The following SH3BGRL3 variants were observed in gnomAD, a reference collection of about 807,000 sequenced individuals.
SH3BGRL3 encodes the protein SH3 domain binding glutamate rich protein like 3.
SH3BGRL3 carries 8 observed loss-of-function variants against 11.9 expected under a neutral mutation model. The observed-to-expected ratio is 0.67, with a 90% CI of 0.40 to 1.22. The LOEUF is 1.22. SH3BGRL3 is among the 50% of genes most tolerant of loss of function. SH3BGRL3 has a pLI of 0.01. For synonymous variants in SH3BGRL3, 55 were observed against 52.3 expected, an observed-to-expected ratio of 1.05 and a Z score of -0.22; for missense variants, 119 against 120.1, an observed-to-expected ratio of 0.99 and a Z score of 0.04.
chr1:26,280,592 A>G (rs1557675805), intron 1 of SH3BGRL3, among the ~76,000 whole-genome samples, 173 bp from the exon 2 acceptor site: 2 of 141,536 alleles, frequency 1.4e-5, no homozygotes, highest in African/African-American at 2.7e-5. Flanking sequence ...TTCATCCTGC[A>G]CCACCTCAAG....
At position 26,281,454 on chromosome 1, in the gene SH3BGRL3, C is replaced by G. The variant is rs1157077772; in HGVS notation, c.*331C>G. 5 of 272,428 alleles carry G rather than the reference C, an allele frequency of 1.8e-5. No homozygotes were observed. Among genetic ancestry groups the G allele is most frequent in the Non-Finnish European group, 3.6e-5 (5 of 140,652 alleles). 16.9% of individuals were successfully genotyped at this position (272,428 alleles called of 1,614,324 possible). A position where few individuals can be genotyped will look rare whatever the true frequency, so the allele number is the denominator to read the frequency against. ...TTGGTTCCATCAGCCAGAGCTCTGC[C>G]AAAGGCCCCGCAGTCCCTCTCCCAG... On this transcript the variant is annotated 3_prime_UTR_variant, in exon 3 of 3. Coordinates refer to ENST00000270792, the MANE Select transcript of SH3BGRL3 (RefSeq NM_031286.4).
rs766141252 is a variant in SH3BGRL3, at chr1:26,280,110, C to T, written c.-46C>T. The T allele has an allele frequency of 1.3e-6, 2 of 1,546,668 alleles. No individual in the cohort carries two copies. The highest frequency in any genetic ancestry group is 8.7e-7 in the Non-Finnish European group (1 of 1,145,450). ...CGTCGTCTCCCGGCAGTGCAGCTGCCGCTACCGCCGCCCTCTGCCCGCCGG... is the reference window on the plus strand; with the variant it reads ...CGTCGTCTCCCGGCAGTGCAGCTGCTGCTACCGCCGCCCTCTGCCCGCCGG... On this transcript the variant is annotated 5_prime_UTR_variant, in exon 1 of 3. Coordinates refer to ENST00000270792, the MANE Select transcript of SH3BGRL3 (RefSeq NM_031286.4).
At chr1:26,280,304 T>TG (rs2072955417) in intron 1 of SH3BGRL3, 101 bp downstream of exon 1, 14 of 1,337,934 alleles carry the variant, frequency 1.0e-5, no homozygotes, top group South Asian at 4.7e-5. Flanking sequence ...GGGGGCGGGG[T>TG]GGGGGGAGTG....
intron 1 of SH3BGRL3, among the ~76,000 whole-genome samples, 156 bp downstream of exon 1, chr1:26,280,359 G>T (rs2072956977): frequency 6.6e-6 from 1 of 152,030 alleles, no homozygotes; most frequent in African/African-American, 2.4e-5. Context: ...CGGTCCCGAG[G>T]CCCCATCCTG....
chr1:26,280,114 A>G lies in SH3BGRL3; in HGVS notation c.-42A>G, dbSNP rs543971367. ...GTCTCCCGGCAGTGCAGCTGCCGCT[A>G]CCGCCGCCCTCTGCCCGCCGGCCCG... On this transcript the variant is annotated 5_prime_UTR_variant, in exon 1 of 3. Transcript: ENST00000270792. 5.8e-6 allele frequency: 9 copies of G among 1,546,768 alleles called. No homozygotes were observed. The highest frequency in any genetic ancestry group is 4.4e-6 in the Non-Finnish European group (5 of 1,145,946).
chr1:26,280,696 C>T, intron 1 of SH3BGRL3, 69 bp from the exon 2 acceptor site: 1 of 1,575,782 alleles, frequency 6.3e-7, no homozygotes, highest in South Asian at 1.1e-5. Flanking sequence ...GCCTCTCTCA[C>T]CCTGCCCAGC....
At chr1:26,280,386 A>T (rs941611172) in intron 1 of SH3BGRL3, among the ~76,000 whole-genome samples, 183 bp downstream of exon 1, 1 of 151,942 alleles carries the variant, frequency 6.6e-6, no homozygotes, top group Non-Finnish European at 1.5e-5. Flanking sequence ...TTCATCGGGC[A>T]TCCTGGGTCC....
chr1:26,281,244 TCCC>T lies in SH3BGRL3; in HGVS notation c.*124_*126del. ...ATTCCTAACCTAACCTTAGAGTCCC[TCCC>T]CCAATGCAGGCCACTTCTCCTCCCT... On this transcript the variant is annotated 3_prime_UTR_variant, in exon 3 of 3. Transcript: ENST00000270792. The T allele has an allele frequency of 1.1e-6, 1 of 901,688 alleles. No individual in the cohort carries two copies. Among genetic ancestry groups the T allele is most frequent in the African/African-American group, 1.7e-5 (1 of 60,158 alleles). The allele number at this position is 901,688 out of a possible 1,614,324, so 55.9% of individuals were successfully genotyped here.
At chr1:26,280,962 G>A (rs1471363465) in intron 2 of SH3BGRL3, 30 bp downstream of exon 2, 9 of 1,604,512 alleles carry the variant, frequency 5.6e-6, no homozygotes, top group Non-Finnish European at 6.8e-6. Context: ...GGGGTGGGGG[G>A]AGTGTTGGAA....
rs1218010639 is a variant in SH3BGRL3 at position 26,280,098 on chromosome 1, C to CA, written c.-57dup. 2 of 1,539,418 alleles carry CA rather than the reference C, an allele frequency of 1.3e-6. No individual in the cohort carries two copies. Among genetic ancestry groups the CA allele is most frequent in the South Asian group, 2.4e-5 (2 of 83,760 alleles). ...GCACGGCGGCGGCGTCGTCTCCCGG[C>CA]AGTGCAGCTGCCGCTACCGCCGCCC... is the stretch of plus-strand genomic sequence containing the variant. On this transcript the variant is annotated 5_prime_UTR_variant, in exon 1 of 3. Transcript: ENST00000270792.
Position 26,281,228 on chromosome 1 carries a change from CTAACCT to C in SH3BGRL3, c.*108_*113del. ...TGACCAACTCCCTGTCATTCCTAACCTAACCTTAGAGTCCCTCCCCCAATGCAGGCC... is the reference window on the plus strand; with the variant it reads ...TGACCAACTCCCTGTCATTCCTAACCTAGAGTCCCTCCCCCAATGCAGGCC... On this transcript the variant is annotated 3_prime_UTR_variant, in exon 3 of 3. Transcript: ENST00000270792. The C allele has an allele frequency of 8.7e-7, 1 of 1,153,518 alleles. No individual in the cohort carries two copies. Among genetic ancestry groups the C allele is most frequent in the East Asian group, 2.6e-5 (1 of 38,964 alleles). The allele number at this position is 1,153,518 out of a possible 1,614,324, so 71.5% of individuals were successfully genotyped here.
Position 26,280,110 on chromosome 1 carries a change from C to A in SH3BGRL3, c.-46C>A, listed in dbSNP as rs766141252. 5 of 1,546,668 alleles carry A rather than the reference C, an allele frequency of 3.2e-6. No individual in the cohort carries two copies. The highest frequency in any genetic ancestry group is 4.4e-6 in the Non-Finnish European group (5 of 1,145,450). On this transcript the variant is annotated 5_prime_UTR_variant, in exon 1 of 3. Coordinates refer to ENST00000270792, the MANE Select transcript of SH3BGRL3 (RefSeq NM_031286.4). ...CGTCGTCTCCCGGCAGTGCAGCTGC[C>A]GCTACCGCCGCCCTCTGCCCGCCGG... is the stretch of plus-strand genomic sequence containing the variant.
chr1:26,280,403 G>A (rs1461573392), intron 1 of SH3BGRL3, among the ~76,000 whole-genome samples, 200 bp downstream of exon 1: 3 of 152,032 alleles, frequency 2.0e-5, no homozygotes. Flanking sequence ...GTCCTTTGCA[G>A]CCGCGGCATG....
At position 26,281,209 on chromosome 1, in the gene SH3BGRL3, A is replaced by G; in HGVS notation, c.*86A>G. Reference sequence around the variant, plus strand: ...CTGGCCATGAAGGACCTTTTGACCAACTCCCTGTCATTCCTAACCTAACCT... The same window carrying G: ...CTGGCCATGAAGGACCTTTTGACCAGCTCCCTGTCATTCCTAACCTAACCT... On this transcript the variant is annotated 3_prime_UTR_variant, in exon 3 of 3. Coordinates refer to ENST00000270792, the MANE Select transcript of SH3BGRL3 (RefSeq NM_031286.4). The G allele has an allele frequency of 1.5e-6, 2 of 1,323,974 alleles. No individual in the cohort carries two copies. Among genetic ancestry groups the G allele is most frequent in the Non-Finnish European group, 2.1e-6 (2 of 949,458 alleles). 82.0% of individuals were successfully genotyped at this position (1,323,974 alleles called of 1,614,324 possible). A position where few individuals can be genotyped will look rare whatever the true frequency, so the allele number is the denominator to read the frequency against.
At position 26,280,137 on chromosome 1, in the gene SH3BGRL3, C is replaced by A; in HGVS notation, c.-19C>A. On this transcript the variant is annotated 5_prime_UTR_variant, in exon 1 of 3. Coordinates refer to ENST00000270792, the MANE Select transcript of SH3BGRL3 (RefSeq NM_031286.4). ...CTACCGCCGCCCTCTGCCCGCCGGCCCGTCTGTCTACCCCCAGCATGAGCG... is the reference window on the plus strand; with the variant it reads ...CTACCGCCGCCCTCTGCCCGCCGGCACGTCTGTCTACCCCCAGCATGAGCG... The A allele has an allele frequency of 6.4e-7, 1 of 1,561,866 alleles. No individual in the cohort carries two copies. Among genetic ancestry groups the A allele is most frequent in the East Asian group, 2.4e-5 (1 of 41,662 alleles).
intron 1 of SH3BGRL3, 104 bp from the exon 2 acceptor site, chr1:26,280,660 TG>T (rs1208318081): frequency 1.5e-6 from 2 of 1,377,630 alleles, no homozygotes; most frequent in Non-Finnish European, 2.0e-6. Flanking sequence ...TGGAGGGGAA[TG>T]GGGGGACAAA....
rs1261267749 is a variant in SH3BGRL3, at chr1:26,281,276, C to A, written c.*153C>A. 2 of 652,454 alleles carry A rather than the reference C, an allele frequency of 3.1e-6. No individual in the cohort carries two copies. The highest frequency in any genetic ancestry group is 3.6e-5 in the African/African-American group (2 of 55,010). 40.4% of individuals were successfully genotyped at this position (652,454 alleles called of 1,614,324 possible). Reference sequence around the variant, plus strand: ...ATGCAGGCCACTTCTCCTCCCTCCTCTCTAAATGTAGTCCCCTCTCCTCCA... The same window carrying A: ...ATGCAGGCCACTTCTCCTCCCTCCTATCTAAATGTAGTCCCCTCTCCTCCA... On this transcript the variant is annotated 3_prime_UTR_variant, in exon 3 of 3. Coordinates refer to ENST00000270792, the MANE Select transcript of SH3BGRL3 (RefSeq NM_031286.4).
chr1:26,281,111 G>A lies in SH3BGRL3; in HGVS notation c.270G>A (p.Leu90=), dbSNP rs749169282. The change falls in exon 3 of 3, where the codon CTG becomes CTA. Residue 90 remains leucine (L), a synonymous_variant. Transcript: ENST00000270792. ...AACAAAACACGCTGCAGGAGTTCCT[G>A]AAGCTGGCTTGAGTCAAGCCTGTCC... ...AVEQNTLQEF[L]KLA is the part of the protein sequence containing the mutation. 2 of 1,613,932 alleles carry A rather than the reference G, an allele frequency of 1.2e-6. No individual in the cohort carries two copies. The highest frequency in any genetic ancestry group is 2.2e-5 in the South Asian group (2 of 91,048).
Position 26,280,154 on chromosome 1 carries a change from G to C in SH3BGRL3, c.-2G>C, listed in dbSNP as rs780722643. 1.3e-6 allele frequency: 2 copies of C among 1,566,536 alleles called. No individual in the cohort carries two copies. Among genetic ancestry groups the C allele is most frequent in the Non-Finnish European group, 1.7e-6 (2 of 1,157,606 alleles). On this transcript the variant is annotated 5_prime_UTR_variant, in exon 1 of 3. Transcript: ENST00000270792. The stretch of plus-strand genomic sequence containing the variant: ...CCGCCGGCCCGTCTGTCTACCCCCA[G>C]CATGAGCGGCCTGCGCGTCTACAGC...
Sources: allele counts gnomAD v4.1 joint callset (sites outside exome capture counted in the v4.1 genomes callset), GRCh38; gene constraint gnomAD v4.1.1; transcripts MANE v1.5; gene names NCBI Gene and HGNC (gene_info 2026-07-23, HGNC 2026-07-21).